CDH12: variants seen among roughly 807,000 people sequenced by gnomAD.
The protein encoded by CDH12 is cadherin 12.
A neutral mutation model predicts 74.1 loss-of-function variants in CDH12; 41 were observed. That is an observed-to-expected ratio of 0.55 (90% CI 0.43 to 0.72). The LOEUF (loss-of-function observed/expected upper bound fraction) is 0.72, where lower values mean the gene tolerates loss of function less well. Among genes scored for constraint, CDH12 ranks in the 30% least tolerant of loss-of-function variants. The pLI is 0.00. For missense variants in CDH12, 945 were observed against 977.2 expected (o/e 0.97, Z 0.44); for synonymous variants, 399 against 355.0 (o/e 1.12, Z -1.39).
At chr5:22,618,881 T>G (rs1374603316) in intron 1 of CDH12, among the ~76,000 whole-genome samples, 2 of 152,022 alleles carry the variant, frequency 1.3e-5, no homozygotes. Flanking sequence ...CTGATGGTTT[T>G]ATAAAGGGAG....
At chr5:22,722,699 A>C (rs376014482) in intron 1 of CDH12, among the ~76,000 whole-genome samples, 2 of 152,202 alleles carry the variant, frequency 1.3e-5, no homozygotes, top group Non-Finnish European at 2.9e-5. Flanking sequence ...TACATCATAC[A>C]TATGTCCCCT....
chr5:21,911,541 ATAAT>A (rs1237309685), intron 6 of CDH12, among the ~76,000 whole-genome samples: 1 of 152,088 alleles, frequency 6.6e-6, no homozygotes, highest in African/African-American at 2.4e-5. Context: ...ATGTAGATGG[ATAAT>A]TAAACATGAT....
chr5:22,004,618 A>G (rs567234318), intron 5 of CDH12, among the ~76,000 whole-genome samples: 2 of 152,314 alleles, frequency 1.3e-5, no homozygotes, highest in Admixed American at 1.3e-4. Context: ...TGTTGCTGAA[A>G]TATCAACCAA....
chr5:22,274,940 C>G (rs1002548251), intron 3 of CDH12, among the ~76,000 whole-genome samples: 1 of 152,088 alleles, frequency 6.6e-6, no homozygotes, highest in Non-Finnish European at 1.5e-5. Context: ...AGATAGCCAA[C>G]CTTTCACAGT....
At chr5:22,744,158 G>A (rs765151545) in intron 1 of CDH12, among the ~76,000 whole-genome samples, 1 of 152,048 alleles carries the variant, frequency 6.6e-6, no homozygotes, top group African/African-American at 2.4e-5. Context: ...GGCCAGGCGC[G>A]GTGGCTCACG....
intron 4 of CDH12, among the ~76,000 whole-genome samples, chr5:22,125,769 TCA>T (rs1456811577): frequency 1.3e-5 from 2 of 152,178 alleles, no homozygotes; most frequent in Non-Finnish European, 2.9e-5. Context: ...GTCTCCACCC[TCA>T]GTTTAAGAAC....
At chr5:22,666,482 G>A (rs1740630708) in intron 1 of CDH12, among the ~76,000 whole-genome samples, 1 of 151,772 alleles carries the variant, frequency 6.6e-6, no homozygotes, top group Admixed American at 6.6e-5. Flanking sequence ...AGTAGAGACG[G>A]GGTTTCACCG....
chr5:21,966,837 G>T (rs1240178690), intron 6 of CDH12, among the ~76,000 whole-genome samples: 1 of 151,946 alleles, frequency 6.6e-6, no homozygotes, highest in Non-Finnish European at 1.5e-5. Context: ...CTAAGTCCTG[G>T]ATAGACCTTT....
intron 1 of CDH12, among the ~76,000 whole-genome samples, chr5:22,638,419 A>G (rs1232294208): frequency 6.6e-6 from 1 of 152,176 alleles, no homozygotes. Context: ...GGCGGCAAGC[A>G]TCCAGCACGG....
intron 1 of CDH12, among the ~76,000 whole-genome samples, chr5:22,605,154 C>T (rs751146858): frequency 1.2e-4 from 18 of 152,272 alleles, no homozygotes; most frequent in South Asian, 4.1e-4. Flanking sequence ...GTTGTGCCTA[C>T]GGGAGCAAGA....
chr5:21,966,566 G>C (rs1397299829), intron 6 of CDH12, among the ~76,000 whole-genome samples: 1 of 152,124 alleles, frequency 6.6e-6, no homozygotes, highest in Admixed American at 6.6e-5. Context: ...ACCTAAAATA[G>C]TGCCTGTCAC....
At chr5:21,868,756 T>A (rs2150016249) in intron 6 of CDH12, among the ~76,000 whole-genome samples, 1 of 152,314 alleles carries the variant, frequency 6.6e-6, no homozygotes. Flanking sequence ...TCAGAATGGA[T>A]CACGGTTTGA....
At chr5:22,471,071 A>T (rs1193152474) in intron 2 of CDH12, among the ~76,000 whole-genome samples, 1 of 147,906 alleles carries the variant, frequency 6.8e-6, no homozygotes, top group Non-Finnish European at 1.5e-5. Flanking sequence ...GAAATCCACA[A>T]CTCTTTTCTT....
intron 3 of CDH12, among the ~76,000 whole-genome samples, chr5:22,318,935 G>C (rs1018106271): frequency 4.6e-5 from 7 of 152,108 alleles, no homozygotes; most frequent in African/African-American, 1.7e-4. Context: ...CAATGTCTCT[G>C]TTTTGGGACA....
In CDH12 at chr5:21,977,115, C is replaced by G. The variant is rs564992611; in HGVS notation, c.232-1730G>C. On this transcript the variant is annotated intron_variant, in intron 5 of 14. Transcript: ENST00000382254. The stretch of plus-strand genomic sequence containing the variant: ...GTTTTGTATGAGAGTATAAGCAAAA[C>G]CATAAAAACCTGGTTGGGTAATATA... 2.0e-5 allele frequency among the ~76,000 whole-genome samples: 3 copies of G among 151,814 alleles called. No individual in the cohort carries two copies. The South Asian group carries it at 6.2e-4, about 32-fold the overall frequency.
chr5:22,394,436 G>A (rs1356509368), intron 3 of CDH12, among the ~76,000 whole-genome samples: 1 of 152,130 alleles, frequency 6.6e-6, no homozygotes, highest in African/African-American at 2.4e-5. Flanking sequence ...GAGCTACTCA[G>A]CTGTAAATGT....
chr5:22,529,248 T>A, intron 1 of CDH12, among the ~76,000 whole-genome samples: 1 of 148,642 alleles, frequency 6.7e-6, no homozygotes, highest in East Asian at 2.0e-4. Flanking sequence ...AGATTTATTA[T>A]AAGAAGCTGG....
chr5:22,515,437 T>C (rs1369721390), intron 1 of CDH12, among the ~76,000 whole-genome samples: 1 of 152,092 alleles, frequency 6.6e-6, no homozygotes, highest in African/African-American at 2.4e-5. Flanking sequence ...CAGTGAGACG[T>C]GAAGTATAGG....
At chr5:22,518,102 T>C (rs1736883864) in intron 1 of CDH12, among the ~76,000 whole-genome samples, 1 of 152,218 alleles carries the variant, frequency 6.6e-6, no homozygotes, top group Non-Finnish European at 1.5e-5. Flanking sequence ...ATTGATTAAA[T>C]CTGTACTACA....
Sources: gnomAD v4.1 joint callset for allele counts (sites outside exome capture counted in the v4.1 genomes callset) on GRCh38, gnomAD v4.1.1 for gene constraint, MANE v1.5 for transcripts, NCBI Gene and HGNC (gene_info 2026-07-23, HGNC 2026-07-21) for gene names.